Variants in ATP13A1 observed in about 807,000 individuals in gnomAD.
ATP13A1 encodes ATPase 13A1, also known as endoplasmic reticulum transmembrane helix translocase.
In ATP13A1, 55 loss-of-function variants were observed where a neutral mutation model predicts 134.8. The observed-to-expected ratio is 0.41, with a 90% confidence interval of 0.33 to 0.51. The LOEUF (loss-of-function observed/expected upper bound fraction) is 0.51. ATP13A1 is among the 20% of genes least tolerant of loss of function. ATP13A1 has a pLI of 0.29. For synonymous variants in ATP13A1, 775 were observed against 725.1 expected (o/e 1.07, Z -1.10); for missense variants, 1,389 against 1,652.8 (o/e 0.84, Z 2.77).
chr19:19,651,739 T>C lies in ATP13A1; in HGVS notation c.2285A>G (p.His762Arg), dbSNP rs1220418110. 1 of 1,613,282 alleles carries C rather than the reference T, an allele frequency of 6.2e-7. No individual in the cohort carries two copies. Among genetic ancestry groups the C allele is most frequent in the Non-Finnish European group, 8.5e-7 (1 of 1,179,616 alleles). Residue 762 changes from histidine to arginine, a missense_variant, in exon 17 of 26, where the codon CAC becomes CGC. By Grantham distance (29) the His-to-Arg change is conservative. Coordinates refer to ENST00000357324, the MANE Select transcript of ATP13A1 (RefSeq NM_020410.3). ...LTACHVAQEL[H>R]FIEKAHTLIL... ...CAGCGTGTGGGCCTTTTCAATGAAG[T>C]GCAGCTCCTGGGCCACGTGGCATGC...
rs1245403620 is a variant in ATP13A1 at position 19,653,036 on chromosome 19, T to C, written c.2101-316A>G. 2 of 325,568 alleles carry C rather than the reference T, an allele frequency of 6.1e-6. No individual in the cohort carries two copies. Among genetic ancestry groups the C allele is most frequent in the East Asian group, 6.7e-5 (1 of 14,848 alleles). The allele number at this position is 325,568 out of a possible 1,614,324, so 20.2% of individuals were successfully genotyped here. A position where few individuals can be genotyped will look rare whatever the true frequency, so the allele number is the denominator to read the frequency against. Reference sequence around the variant, plus strand: ...TGAAGTAGGGACTCTCCCAATAATGTTGGAGTTTAGCCAGGAACTCTTACT... The same window carrying C: ...TGAAGTAGGGACTCTCCCAATAATGCTGGAGTTTAGCCAGGAACTCTTACT... On this transcript the variant is annotated intron_variant, in intron 15 of 25. Transcript: ENST00000357324. The surrounding 1 kb of genome is among the most constrained non-coding windows in gnomAD (Gnocchi z 4.2).
chr19:19,658,169 A>AAG (rs2062071894), intron 3 of ATP13A1, among the ~76,000 whole-genome samples: 1 of 150,292 alleles, frequency 6.7e-6, no homozygotes, highest in African/African-American at 2.5e-5. Flanking sequence ...AAAAAAAAAA[A>AAG]AAAAGGCTCG....
chr19:19,661,439 C>CAGCT (rs992794655), intron 1 of ATP13A1, among the ~76,000 whole-genome samples: 3 of 152,242 alleles, frequency 2.0e-5, no homozygotes, highest in Admixed American at 2.0e-4. Context: ...CACAGTCACA[C>CAGCT]AGCTCCCTTG....
rs776302151 is a variant in ATP13A1 at position 19,655,666 on chromosome 19, G to C, written c.1270-12C>G. ...CGCAGCAGCTTGCCCTGGAGGAATG[G>C]AGGAACAGCCTTTCTGCTGTCTGGA... is the stretch of plus-strand genomic sequence containing the variant. On this transcript the variant is annotated splice_polypyrimidine_tract_variant and intron_variant, in intron 9 of 25. Coordinates refer to ENST00000357324, the MANE Select transcript of ATP13A1 (RefSeq NM_020410.3). This position sits in a 1 kb window ranked among gnomAD's most constrained non-coding sequence, Gnocchi z 5.7. 1 of 1,611,048 alleles carries C rather than the reference G, an allele frequency of 6.2e-7. No homozygotes were observed. Among genetic ancestry groups the C allele is most frequent in the African/African-American group, 1.3e-5 (1 of 75,006 alleles).
intron 1 of ATP13A1, 62 bp downstream of exon 1, chr19:19,663,209 C>T: frequency 6.4e-7 from 1 of 1,550,888 alleles, no homozygotes; most frequent in Non-Finnish European, 8.7e-7. Flanking sequence ...AGGAAGGCCG[C>T]AGCTGGGACC....
Position 19,655,010 on chromosome 19 carries a change from C to A in ATP13A1, c.1655+109G>T, listed in dbSNP as rs969956960. 36 of 1,487,492 alleles carry A rather than the reference C, an allele frequency of 2.4e-5. No homozygotes were observed. Among genetic ancestry groups the A allele is most frequent in the Non-Finnish European group, 2.6e-5 (29 of 1,113,416 alleles). 92.1% of individuals were successfully genotyped at this position (1,487,492 alleles called of 1,614,324 possible). A position where few individuals can be genotyped will look rare whatever the true frequency, so the allele number is the denominator to read the frequency against. ...CCCTGGAAATGAACCCGAGGCAGGGCCTCTGACGGGCCCTCACTGCAAGGG... is the reference window on the plus strand; with the variant it reads ...CCCTGGAAATGAACCCGAGGCAGGGACTCTGACGGGCCCTCACTGCAAGGG... On this transcript the variant is annotated intron_variant, in intron 12 of 25. Transcript: ENST00000357324. The surrounding 1 kb of genome is among the most constrained non-coding windows in gnomAD (Gnocchi z 5.7).
rs2288864 is a variant in ATP13A1, at chr19:19,652,717, G to T, written c.2104C>A (p.Arg702=). ...ELGHLTHQQA[R]EVKREALECS... Reference sequence around the variant, plus strand: ...TCCAGGGCCTCCCGCTTGACCTCCCGGGCCTGCGGACAGACAGGGGCACCC... The same window carrying T: ...TCCAGGGCCTCCCGCTTGACCTCCCTGGCCTGCGGACAGACAGGGGCACCC... The change falls in exon 16 of 26, where the codon CGG becomes AGG. Residue 702 remains arginine (R), a synonymous_variant. Coordinates refer to ENST00000357324, the MANE Select transcript of ATP13A1 (RefSeq NM_020410.3). 3.2e-4 allele frequency: 518 copies of T among 1,603,542 alleles called. 5 individuals carry two copies. In the East Asian group the frequency reaches 0.01, roughly 31 times the overall value.
At position 19,647,095 on chromosome 19, in the gene ATP13A1, G is replaced by A. The variant is rs753655102; in HGVS notation, c.3105+34C>T. 6.9e-5 allele frequency: 109 copies of A among 1,584,380 alleles called. No homozygotes were observed. The highest frequency in any genetic ancestry group is 8.6e-5 in the Non-Finnish European group (100 of 1,164,784). On this transcript the variant is annotated intron_variant, in intron 22 of 25. Coordinates refer to ENST00000357324, the MANE Select transcript of ATP13A1 (RefSeq NM_020410.3). The surrounding 1 kb of genome is among the most constrained non-coding windows in gnomAD (Gnocchi z 4.8). ...ATCAGCCTGGCCCTGGCAGGCCCAT[G>A]CATCCCTGGCCTTCCAGCACCTCTG... is the stretch of plus-strand genomic sequence containing the variant.
intron 3 of ATP13A1, among the ~76,000 whole-genome samples, chr19:19,659,141 C>T (rs2062078371): frequency 6.6e-6 from 1 of 151,710 alleles, no homozygotes; most frequent in Non-Finnish European, 1.5e-5. Context: ...GCATCACAGT[C>T]ACCTGGGACA....
At chr19:19,646,450 G>A (rs2061986621) in intron 22 of ATP13A1, 103 bp from the exon 23 acceptor site, 3 of 1,370,498 alleles carry the variant, frequency 2.2e-6, no homozygotes, top group Non-Finnish European at 3.0e-6. Flanking sequence ...GAGACCTTGT[G>A]TACAGCCACC....
At chr19:19,651,636 G>A in intron 17 of ATP13A1, 53 bp downstream of exon 17, 3 of 1,461,734 alleles carry the variant, frequency 2.1e-6, no homozygotes, top group Non-Finnish European at 2.8e-6. Flanking sequence ...GATGGGAGCT[G>A]TTCTTGGACT....
chr19:19,655,704 G>A lies in ATP13A1; in HGVS notation c.1270-50C>T. 1.3e-6 allele frequency: 2 copies of A among 1,588,086 alleles called. No homozygotes were observed. Among genetic ancestry groups the A allele is most frequent in the Non-Finnish European group, 8.6e-7 (1 of 1,167,574 alleles). ...TCTGCTGTCTGGACTCCCTCCAGCAGCTCAGGCCTGGAAGCGTGGGCCTGG... is the reference window on the plus strand; with the variant it reads ...TCTGCTGTCTGGACTCCCTCCAGCAACTCAGGCCTGGAAGCGTGGGCCTGG... On this transcript the variant is annotated intron_variant, in intron 9 of 25. Coordinates refer to ENST00000357324, the MANE Select transcript of ATP13A1 (RefSeq NM_020410.3). The surrounding 1 kb of genome is among the most constrained non-coding windows in gnomAD (Gnocchi z 5.7).
At chr19:19,648,513 A>G (rs964045693) in intron 19 of ATP13A1, among the ~76,000 whole-genome samples, 5 of 143,498 alleles carry the variant, frequency 3.5e-5, no homozygotes, top group African/African-American at 1.1e-4. Flanking sequence ...AAAAAAAAAG[A>G]AAAAAGAAAA....
chr19:19,645,674 C>T lies in ATP13A1; in HGVS notation c.3477G>A (p.Gln1159=), dbSNP rs2061980392. ...CCACAGGGATGTCCACGAGGCCAAACTGGCTGTTGAAGTCGGGCGAGGAGC... is the reference window on the plus strand; with the variant it reads ...CCACAGGGATGTCCACGAGGCCAAATTGGCTGTTGAAGTCGGGCGAGGAGC... ...LLGSSPDFNS[Q]FGLVDIPVEF... The change falls in exon 25 of 26, where the codon CAG becomes CAA. Residue 1159 remains glutamine, a synonymous_variant. Coordinates refer to ENST00000357324, the MANE Select transcript of ATP13A1 (RefSeq NM_020410.3). This position sits in a 1 kb window ranked among gnomAD's most constrained non-coding sequence, Gnocchi z 4.1. The T allele has an allele frequency of 1.3e-6, 2 of 1,575,100 alleles. No individual in the cohort carries two copies. Among genetic ancestry groups the T allele is most frequent in the Non-Finnish European group, 1.7e-6 (2 of 1,160,664 alleles).
In ATP13A1 at chr19:19,645,224, T is replaced by C; in HGVS notation, c.*198A>G. The stretch of plus-strand genomic sequence containing the variant: ...TTTTAAAATCTCAGATGCTGCTTTA[T>C]TTACCAAAGGTGCTGGCTTGGGGCT... On this transcript the variant is annotated 3_prime_UTR_variant, in exon 26 of 26. Transcript: ENST00000357324. This position sits in a 1 kb window ranked among gnomAD's most constrained non-coding sequence, Gnocchi z 4.1. 1 of 620,950 alleles carries C rather than the reference T, an allele frequency of 1.6e-6. No homozygotes were observed. Among genetic ancestry groups the C allele is most frequent in the Non-Finnish European group, 2.9e-6 (1 of 350,600 alleles). The allele number at this position is 620,950 out of a possible 1,614,324, so 38.5% of individuals were successfully genotyped here. A position where few individuals can be genotyped will look rare whatever the true frequency, so the allele number is the denominator to read the frequency against.
At chr19:19,654,414 C>T (rs1411097746) in intron 13 of ATP13A1, 129 bp downstream of exon 13, 6 of 1,239,974 alleles carry the variant, frequency 4.8e-6, no homozygotes, top group South Asian at 1.6e-5. Context: ...CTCTGGCCAC[C>T]CACCTCGGGG....
rs1209771888 is a variant in ATP13A1 at position 19,653,338 on chromosome 19, CA to C, written c.2100+445del. On this transcript the variant is annotated intron_variant, in intron 15 of 25. Coordinates refer to ENST00000357324, the MANE Select transcript of ATP13A1 (RefSeq NM_020410.3). This position sits in a 1 kb window ranked among gnomAD's most constrained non-coding sequence, Gnocchi z 4.2. ...TGAGCTGTGGCCTGGGCTCTGCACA[CA>C]GTACTGCAACCTGAGGCTAAATTCT... The C allele has an allele frequency of 4.7e-6, 1 of 210,694 alleles. No homozygotes were observed. Among genetic ancestry groups the C allele is most frequent in the African/African-American group, 2.3e-5 (1 of 42,890 alleles). 13.1% of individuals were successfully genotyped at this position (210,694 alleles called of 1,614,324 possible). A position where few individuals can be genotyped will look rare whatever the true frequency, so the allele number is the denominator to read the frequency against.
At chr19:19,657,918 G>A (rs2062069783) in intron 3 of ATP13A1, among the ~76,000 whole-genome samples, 1 of 152,066 alleles carries the variant, frequency 6.6e-6, no homozygotes, top group African/African-American at 2.4e-5. Flanking sequence ...GGAGGCCGAG[G>A]CAGGAGGAGT....
At position 19,647,368 on chromosome 19, in the gene ATP13A1, G is replaced by A. The variant is rs756809907; in HGVS notation, c.2909-43C>T. The A allele has an allele frequency of 1.3e-6, 2 of 1,575,328 alleles. No homozygotes were observed. Among genetic ancestry groups the A allele is most frequent in the East Asian group, 2.3e-5 (1 of 43,402 alleles). Reference sequence around the variant, plus strand: ...GGCAGGTGTGGGTGTGGGTAGGGGTGCCAAGGGGGGAATGAAGGGAGGGGG... The same window carrying A: ...GGCAGGTGTGGGTGTGGGTAGGGGTACCAAGGGGGGAATGAAGGGAGGGGG... On this transcript the variant is annotated intron_variant, in intron 21 of 25. Transcript: ENST00000357324. This position sits in a 1 kb window ranked among gnomAD's most constrained non-coding sequence, Gnocchi z 4.8.
Sources: gnomAD v4.1 joint callset for allele counts (sites outside exome capture counted in the v4.1 genomes callset) on GRCh38, gnomAD v4.1.1 for gene constraint, Gnocchi (gnomAD v3.1) non-coding constraint, MANE v1.5 for transcripts, NCBI Gene and HGNC (gene_info 2026-07-23, HGNC 2026-07-21) for gene names.